PHKA2: variants seen among roughly 807,000 people sequenced by gnomAD.
PHKA2 encodes the protein phosphorylase b kinase regulatory subunit alpha, liver isoform.
PHKA2 carries 31 observed loss-of-function variants against 102.0 expected under a neutral mutation model. That is an observed-to-expected ratio of 0.30 (90% CI 0.23 to 0.41). The LOEUF (loss-of-function observed/expected upper bound fraction) is 0.41. PHKA2 is among the 10% of genes least tolerant of loss of function. PHKA2 has a pLI of 1.00. For synonymous variants in PHKA2, 455 were observed against 416.2 expected (o/e 1.09, Z -1.13); for missense variants, 858 against 1,023.1 (o/e 0.84, Z 2.20).
At chrX:18,974,228 T>A (rs1246532301) in intron 1 of PHKA2, among the ~76,000 whole-genome samples, 2 of 110,479 alleles carry the variant, frequency 1.8e-5, no homozygotes, top group East Asian at 5.7e-4. Flanking sequence ...CAACCCCATA[T>A]CTCCACCCAA....
Position 18,929,272 on chromosome X carries a change from T to C in PHKA2, c.1280A>G (p.Asn427Ser). ...FLAAGEIDPL[N>S]RRFSTSVKPD... ...TTTGACTGAAGTGGAAAATCTTCTA[T>C]TTAAGGGATCGATTTCACCAGCGGC... Residue 427 changes from asparagine (N) to serine (S), a missense_variant, in exon 13 of 33, where the codon AAT becomes AGT. Physicochemically the swap from Asn to Ser is conservative, Grantham distance 46 (BLOSUM62 1). This residue lies in a region of PHKA2 where 671 missense variants were observed against 745.2 expected (regional missense o/e 0.90). Coordinates refer to ENST00000379942, the MANE Select transcript of PHKA2 (RefSeq NM_000292.3). 2.6e-6 allele frequency: 3 copies of C among 1,173,487 alleles called. No homozygotes were observed. In the South Asian group the frequency reaches 5.6e-5, roughly 22 times the overall value.
rs1182616002 is a variant in PHKA2, at chrX:18,907,702, C to T, written c.2517+198G>A. 2.7e-5 allele frequency among the ~76,000 whole-genome samples: 3 copies of T among 111,900 alleles called. No homozygotes were observed. The East Asian group carries it at 8.4e-4, about 31-fold the overall frequency. ...TTTCCGTAGCCAAGAAAGAACAAAA[C>T]CAATCCACTTGCATTTCCTTCCCTC... On this transcript the variant is annotated intron_variant, in intron 22 of 32. Transcript: ENST00000379942.
intron 30 of PHKA2, 42 bp downstream of exon 30, chrX:18,897,121 A>G: frequency 8.4e-7 from 1 of 1,192,088 alleles, no homozygotes; most frequent in Non-Finnish European, 1.1e-6. Flanking sequence ...CAGGACAGTA[A>G]GGGGACGGTT....
chrX:18,946,571 T>C (rs1380945186), intron 5 of PHKA2, among the ~76,000 whole-genome samples: 1 of 110,295 alleles, frequency 9.1e-6, no homozygotes, highest in African/African-American at 3.3e-5. Context: ...CCACTTATGT[T>C]CTACTCTTTT....
At chrX:18,962,252 C>G (rs1016585856) in intron 1 of PHKA2, among the ~76,000 whole-genome samples, 1 of 111,276 alleles carries the variant, frequency 9.0e-6, no homozygotes, top group Middle Eastern at 4.2e-3. Context: ...ACATACACTG[C>G]TCCTTTGTGG....
intron 19 of PHKA2, among the ~76,000 whole-genome samples, chrX:18,912,946 G>C (rs944109667): frequency 3.6e-5 from 4 of 110,445 alleles, no homozygotes; most frequent in African/African-American, 1.3e-4. Flanking sequence ...GGGTGTGATG[G>C]TGCATGCCTG....
rs1284989721 is a variant in PHKA2, at chrX:18,954,268, A to AGGCCTT, written c.217_222dup (p.Lys73_Ala74dup). On this transcript the variant is annotated inframe_insertion, in exon 2 of 33. Coordinates refer to ENST00000379942, the MANE Select transcript of PHKA2 (RefSeq NM_000292.3). ...GTCACTATTACCTGCTCCAGCTCGTAGGCCTTGGCCTTGTCCTCATCGCGG... is the reference window on the plus strand; with the variant it reads ...GTCACTATTACCTGCTCCAGCTCGTAGGCCTTGGCCTTGGCCTTGTCCTCATCGCGG... 2.5e-6 allele frequency: 3 copies of AGGCCTT among 1,210,455 alleles called. No individual in the cohort carries two copies. The African/African-American group carries it at 5.2e-5, about 21-fold the overall frequency.
At chrX:18,979,466 C>G (rs1451467680) in intron 1 of PHKA2, among the ~76,000 whole-genome samples, 1 of 111,750 alleles carries the variant, frequency 8.9e-6, no homozygotes, top group Admixed American at 9.5e-5. Flanking sequence ...CCATTTCATA[C>G]TTAATACTTT....
intron 9 of PHKA2, 88 bp downstream of exon 9, chrX:18,939,907 A>T (rs913535230): frequency 1.2e-5 from 8 of 686,817 alleles, no homozygotes; most frequent in African/African-American, 2.1e-5. Context: ...TCCAACATAA[A>T]ATTATAATCA....
At chrX:18,925,533 T>G (rs1319617676) in intron 15 of PHKA2, 135 bp downstream of exon 15, 1 of 524,271 alleles carries the variant, frequency 1.9e-6, no homozygotes, top group Non-Finnish European at 3.4e-6. Context: ...AGACTTGTAC[T>G]AGGCTCTTGG....
chrX:18,901,340 G>A lies in PHKA2; in HGVS notation c.3027+145C>T, dbSNP rs1228048404. Reference sequence around the variant, plus strand: ...CTGGAATATCTATCTGGGGACAGGGGTGTGTTCAGATCCCAGACAGAAGGG... The same window carrying A: ...CTGGAATATCTATCTGGGGACAGGGATGTGTTCAGATCCCAGACAGAAGGG... On this transcript the variant is annotated intron_variant, in intron 27 of 32. Coordinates refer to ENST00000379942, the MANE Select transcript of PHKA2 (RefSeq NM_000292.3). 7.5e-6 allele frequency: 4 copies of A among 535,089 alleles called. No homozygotes were observed. The Admixed American group carries it at 9.4e-5, about 13-fold the overall frequency. 44.1% of individuals were successfully genotyped at this position (535,089 alleles called of 1,213,427 possible).
rs754501262 is a variant in PHKA2, at chrX:18,977,055, A to G, written c.78+6800T>C. Among the ~76,000 whole-genome samples the G allele has an allele frequency of 1.0e-3, 113 of 111,788 alleles. 1 individual carries two copies. Among genetic ancestry groups the G allele is most frequent in the African/African-American group, 3.5e-3 (109 of 30,797 alleles). On this transcript the variant is annotated intron_variant, in intron 1 of 32. Transcript: ENST00000379942. ...GGATATAAATTTCACTTCAAACCCCACTTTAGCTGTAATCCCATACATTTT... is the reference window on the plus strand; with the variant it reads ...GGATATAAATTTCACTTCAAACCCCGCTTTAGCTGTAATCCCATACATTTT...
At chrX:18,981,213 T>TG (rs1274093143) in intron 1 of PHKA2, among the ~76,000 whole-genome samples, 2 of 111,256 alleles carry the variant, frequency 1.8e-5, no homozygotes, top group Admixed American at 9.6e-5. Flanking sequence ...ACACTAGTTG[T>TG]GGGGGTGAAT....
In PHKA2 at chrX:18,924,037, T is replaced by TA. The variant is rs777817861; in HGVS notation, c.1793+18dup. 6.2e-6 allele frequency: 7 copies of TA among 1,124,173 alleles called. No individual in the cohort carries two copies. In the South Asian group the frequency reaches 9.1e-5, roughly 15 times the overall value. The allele number at this position is 1,124,173 out of a possible 1,213,427, so 92.6% of individuals were successfully genotyped here. ...AGGTCAGTGCTACTCTTATATTTTTTAAAAAAATCACAAATTACCTGGCTC... is the reference window on the plus strand; with the variant it reads ...AGGTCAGTGCTACTCTTATATTTTTTAAAAAAAATCACAAATTACCTGGCTC... On this transcript the variant is annotated intron_variant, in intron 17 of 32. Coordinates refer to ENST00000379942, the MANE Select transcript of PHKA2 (RefSeq NM_000292.3).
At chrX:18,926,311 C>T (rs1458040306) in intron 14 of PHKA2, 142 bp downstream of exon 14, 1 of 558,687 alleles carries the variant, frequency 1.8e-6, no homozygotes, top group East Asian at 3.3e-5. Context: ...CGTTCCTCTT[C>T]ACATCGAAGC....
In PHKA2 at chrX:18,945,804, T is replaced by C. The variant is rs942057774; in HGVS notation, c.538-646A>G. On this transcript the variant is annotated intron_variant, in intron 5 of 32. Transcript: ENST00000379942. ...ATATTTTCATTAAAAAATCCACATA[T>C]GGGATGCTGTTTTAAACAATTCTAT... 2.7e-5 allele frequency among the ~76,000 whole-genome samples: 3 copies of C among 112,229 alleles called. 1 individual carries two copies. The South Asian group carries it at 1.1e-3, about 42-fold the overall frequency.
intron 1 of PHKA2, among the ~76,000 whole-genome samples, chrX:18,982,599 C>T (rs1358024409): frequency 8.9e-6 from 1 of 111,804 alleles, no homozygotes; most frequent in Non-Finnish European, 1.9e-5. Flanking sequence ...TTTGGGAGGC[C>T]GTGGTGAGAG....
chrX:18,978,226 G>A (rs920816280), intron 1 of PHKA2, among the ~76,000 whole-genome samples: 3 of 110,982 alleles, frequency 2.7e-5, no homozygotes, highest in African/African-American at 9.8e-5. Flanking sequence ...TGTGACAGGT[G>A]GAGATACTCA....
At chrX:18,937,427 C>G (rs4082763) in intron 10 of PHKA2, among the ~76,000 whole-genome samples, 41,556 of 110,273 alleles carry the variant, frequency 0.38, 9,341 homozygotes, top group African/African-American at 0.85. Context: ...CCTCTACCAG[C>G]GTCCTTTGAC....
Sources: allele counts gnomAD v4.1 joint callset (sites outside exome capture counted in the v4.1 genomes callset), GRCh38; gene constraint gnomAD v4.1.1; regional missense constraint gnomAD v4.1.1; transcripts MANE v1.5; gene names NCBI Gene and HGNC (gene_info 2026-07-23, HGNC 2026-07-21).